The following MPPED2 variants were observed in gnomAD, a reference collection of about 807,000 sequenced individuals.
The protein encoded by MPPED2 is metallophosphoesterase MPPED2.
In MPPED2, 5 loss-of-function variants were observed where a neutral mutation model predicts 33.0. The ratio of observed to expected loss-of-function variants is 0.15; its 90% confidence interval spans 0.08 to 0.32. MPPED2 has a LOEUF of 0.32. Among genes scored for constraint, MPPED2 ranks in the 10% least tolerant of loss-of-function variants. The pLI is 1.00. For synonymous variants in MPPED2, 136 were observed against 141.9 expected, an observed-to-expected ratio of 0.96 and a Z score of 0.29; for missense variants, 275 against 372.1, an observed-to-expected ratio of 0.74 and a Z score of 2.15.
chr11:30,391,821 T>C (rs2133696346), intron 6 of MPPED2, among the ~76,000 whole-genome samples: 1 of 152,244 alleles, frequency 6.6e-6, no homozygotes, highest in South Asian at 2.1e-4. Context: ...TACCTTCACA[T>C]CTAAAGCCCC....
intron 4 of MPPED2, among the ~76,000 whole-genome samples, chr11:30,453,794 T>C (rs1379882229): frequency 6.6e-6 from 1 of 152,226 alleles, no homozygotes; most frequent in Non-Finnish European, 1.5e-5. Flanking sequence ...ATGTCTAACT[T>C]GATTACTCTC....
intron 2 of MPPED2, among the ~76,000 whole-genome samples, chr11:30,555,139 A>G (rs559015190): frequency 6.6e-6 from 1 of 152,120 alleles, no homozygotes; most frequent in Non-Finnish European, 1.5e-5. Context: ...CTCCTCATGG[A>G]AACTATTTTA....
exon 7 of MPPED2, chr11:30,386,367 A>C (rs1947702388): frequency 5.5e-6 from 1 of 181,080 alleles, no homozygotes; most frequent in Admixed American, 6.2e-5. Context: ...TCAGGACCCC[A>C]CTGCTCTGCA....
At chr11:30,514,898 A>G (rs1451100410) in intron 3 of MPPED2, among the ~76,000 whole-genome samples, 1 of 152,132 alleles carries the variant, frequency 6.6e-6, no homozygotes, top group East Asian at 1.9e-4. Flanking sequence ...TTAGGAGTTC[A>G]AGACAAGCCT....
chr11:30,501,990 G>A (rs893515335), intron 3 of MPPED2, among the ~76,000 whole-genome samples: 1 of 152,132 alleles, frequency 6.6e-6, no homozygotes, highest in African/African-American at 2.4e-5. Context: ...CCTTCTCTGA[G>A]GTTCACCAGA....
At chr11:30,478,168 C>T (rs899968881) in intron 4 of MPPED2, among the ~76,000 whole-genome samples, 5 of 152,128 alleles carry the variant, frequency 3.3e-5, no homozygotes, top group Middle Eastern at 3.4e-3. Context: ...AACCTACTTG[C>T]TTCTGTGCAC....
chr11:30,431,419 G>C (rs943751883), intron 4 of MPPED2, among the ~76,000 whole-genome samples: 1 of 152,208 alleles, frequency 6.6e-6, no homozygotes, highest in Non-Finnish European at 1.5e-5. Context: ...CAATCTGTAA[G>C]ATGGAGATAA....
chr11:30,512,115 G>C (rs538257345), intron 3 of MPPED2, among the ~76,000 whole-genome samples: 1 of 152,124 alleles, frequency 6.6e-6, no homozygotes, highest in Non-Finnish European at 1.5e-5. Flanking sequence ...CACCAAATAG[G>C]CAGTAGTAAC....
At position 30,453,581 on chromosome 11, in the gene MPPED2, T is replaced by C. The variant is rs371459655; in HGVS notation, c.537-35948A>G. 1.6e-4 allele frequency among the ~76,000 whole-genome samples: 25 copies of C among 152,358 alleles called. No homozygotes were observed. In the East Asian group the frequency reaches 2.5e-3, roughly 15 times the overall value. On this transcript the variant is annotated intron_variant, in intron 4 of 6. Transcript: ENST00000358117. The stretch of plus-strand genomic sequence containing the variant: ...TGGCTGCGTATGGAGACGTTCTCTC[T>C]GAATTCATTTCCTTAGACATTGGGG...
intron 3 of MPPED2, among the ~76,000 whole-genome samples, chr11:30,503,723 C>A (rs1386740769): frequency 1.3e-5 from 2 of 152,176 alleles, no homozygotes; most frequent in African/African-American, 4.8e-5. Context: ...CCTATGCCCT[C>A]TCCCCTCTAT....
chr11:30,518,876 G>A (rs780586832), intron 3 of MPPED2, among the ~76,000 whole-genome samples: 3 of 151,916 alleles, frequency 2.0e-5, no homozygotes, highest in Non-Finnish European at 4.4e-5. Context: ...CATACATTTT[G>A]GTTTTGCATT....
intron 4 of MPPED2, among the ~76,000 whole-genome samples, chr11:30,435,709 G>T (rs1401032157): frequency 6.6e-6 from 1 of 152,140 alleles, no homozygotes; most frequent in African/African-American, 2.4e-5. Flanking sequence ...GAGCTGGCAG[G>T]AACTGTGGAC....
intron 2 of MPPED2, among the ~76,000 whole-genome samples, 164 bp from the exon 3 acceptor site, chr11:30,536,339 C>G (rs1359838649): frequency 1.3e-5 from 2 of 152,184 alleles, no homozygotes; most frequent in Non-Finnish European, 1.5e-5. Context: ...GTAACAGAGA[C>G]AGCATCACCC....
intron 2 of MPPED2, among the ~76,000 whole-genome samples, chr11:30,540,252 T>C (rs1229261281): frequency 6.6e-6 from 1 of 152,224 alleles, no homozygotes; most frequent in Non-Finnish European, 1.5e-5. Flanking sequence ...ACACAACAAA[T>C]GCTCCAAAAA....
intron 3 of MPPED2, among the ~76,000 whole-genome samples, chr11:30,523,341 G>C (rs1953978021): frequency 6.6e-6 from 1 of 152,086 alleles, no homozygotes; most frequent in Non-Finnish European, 1.5e-5. Flanking sequence ...GTGATCTATG[G>C]AGTACTGGGA....
intron 2 of MPPED2, among the ~76,000 whole-genome samples, chr11:30,569,950 G>A (rs570548151): frequency 6.6e-6 from 1 of 152,270 alleles, no homozygotes; most frequent in Admixed American, 6.5e-5. Context: ...ACAAGGAAGA[G>A]TTATGATCTC....
At chr11:30,438,125 T>C (rs1348265669) in intron 4 of MPPED2, among the ~76,000 whole-genome samples, 1 of 152,208 alleles carries the variant, frequency 6.6e-6, no homozygotes, top group East Asian at 1.9e-4. Flanking sequence ...TAGGTGTTTA[T>C]TAAATGAACA....
At chr11:30,509,806 T>A (rs916605066) in intron 3 of MPPED2, among the ~76,000 whole-genome samples, 1 of 152,154 alleles carries the variant, frequency 6.6e-6, no homozygotes, top group African/African-American at 2.4e-5. Flanking sequence ...ATTCCTTCCA[T>A]GGAATGGGAA....
At chr11:30,428,717 T>A (rs1948949330) in intron 4 of MPPED2, among the ~76,000 whole-genome samples, 1 of 152,244 alleles carries the variant, frequency 6.6e-6, no homozygotes, top group African/African-American at 2.4e-5. Context: ...AGTTTTCTCA[T>A]CTATAAAACG....
Sources: gnomAD v4.1 joint callset for allele counts (sites outside exome capture counted in the v4.1 genomes callset) on GRCh38, gnomAD v4.1.1 for gene constraint, MANE v1.5 for transcripts, NCBI Gene and HGNC (gene_info 2026-07-23, HGNC 2026-07-21) for gene names.